The following SPATA17 variants were observed in gnomAD, a reference collection of about 807,000 sequenced individuals.
SPATA17 encodes the protein spermatogenesis-associated protein 17.
In SPATA17, 53 loss-of-function variants were observed where a neutral mutation model predicts 62.2. That is an observed-to-expected ratio of 0.85 (90% CI 0.68 to 1.07). The LOEUF is 1.07. Among genes scored for constraint, SPATA17 ranks in the 50% least tolerant of loss-of-function variants. The pLI, the probability that SPATA17 is intolerant of heterozygous loss-of-function variation, is 0.00. For synonymous variants in SPATA17, 146 were observed against 146.8 expected, an observed-to-expected ratio of 0.99 and a Z score of 0.04; for missense variants, 466 against 425.5, an observed-to-expected ratio of 1.10 and a Z score of -0.84.
At chr1:217,676,744 A>AGTGCTGGTG (rs1670954612) in intron 4 of SPATA17, among the ~76,000 whole-genome samples, 1 of 152,168 alleles carries the variant, frequency 6.6e-6, no homozygotes, top group Non-Finnish European at 1.5e-5. Flanking sequence ...ACATGAATGC[A>AGTGCTGGTG]AATTTCAAGA....
intron 7 of SPATA17, among the ~76,000 whole-genome samples, chr1:217,777,634 T>G (rs920984002): frequency 1.1e-4 from 17 of 152,168 alleles, no homozygotes; most frequent in African/African-American, 4.1e-4. Flanking sequence ...ACTCCTGACC[T>G]CAGGTGATCT....
At chr1:217,858,359 G>A (rs923952264) in intron 9 of SPATA17, among the ~76,000 whole-genome samples, 2 of 152,112 alleles carry the variant, frequency 1.3e-5, no homozygotes, top group Non-Finnish European at 2.9e-5. Context: ...TATTATTTAA[G>A]GAATGAGAGA....
chr1:217,749,302 G>C (rs949123209), intron 6 of SPATA17, among the ~76,000 whole-genome samples: 2 of 152,080 alleles, frequency 1.3e-5, no homozygotes, highest in Non-Finnish European at 2.9e-5. Context: ...ATGATATACA[G>C]GCAAAAGGAT....
chr1:217,787,427 T>G (rs1303488963), intron 8 of SPATA17, among the ~76,000 whole-genome samples: 1 of 152,196 alleles, frequency 6.6e-6, no homozygotes, highest in Non-Finnish European at 1.5e-5. Context: ...TGTCATATTC[T>G]GTAAAGAACT....
chr1:217,798,806 T>C (rs1674221040), intron 8 of SPATA17, among the ~76,000 whole-genome samples: 1 of 123,914 alleles, frequency 8.1e-6, no homozygotes, highest in African/African-American at 3.0e-5. Context: ...AATACGAAAC[T>C]GCTGAAACTT....
chr1:217,840,052 A>G (rs1270311330), intron 9 of SPATA17, among the ~76,000 whole-genome samples: 2 of 152,244 alleles, frequency 1.3e-5, no homozygotes, highest in Non-Finnish European at 1.5e-5. Context: ...TGCAATCTCT[A>G]TACAATTATT....
At position 217,867,575 on chromosome 1, in the gene SPATA17, C is replaced by T. The variant is rs1463723249; in HGVS notation, c.*556C>T. 6.6e-6 allele frequency: 1 copy of T among 152,174 alleles called. No homozygotes were observed. Among genetic ancestry groups the T allele is most frequent in the Non-Finnish European group, 1.5e-5 (1 of 68,042 alleles). The allele number at this position is 152,174 out of a possible 1,614,324, so 9.4% of individuals were successfully genotyped here. A position where few individuals can be genotyped will look rare whatever the true frequency, so the allele number is the denominator to read the frequency against. On this transcript the variant is annotated 3_prime_UTR_variant, in exon 11 of 11. Coordinates refer to ENST00000366933, the MANE Select transcript of SPATA17 (RefSeq NM_138796.4). Reference sequence around the variant, plus strand: ...CATAGGCACTCTCAAATAGAGAAGACATTTGCAAGTCTCTGCTGCCAAGGG... The same window carrying T: ...CATAGGCACTCTCAAATAGAGAAGATATTTGCAAGTCTCTGCTGCCAAGGG...
At position 217,821,833 on chromosome 1, in the gene SPATA17, A is replaced by G. The variant is rs1571827650; in HGVS notation, c.1005+19983A>G. Among the ~76,000 whole-genome samples, 3 of 152,212 alleles carry G rather than the reference A, an allele frequency of 2.0e-5. No homozygotes were observed. The East Asian group carries it at 5.8e-4, about 29-fold the overall frequency. The stretch of plus-strand genomic sequence containing the variant: ...AGAAGTAATGCTAAGGGGAGCACTC[A>G]TGCAAGGGGCGCAAACTCTGCCACA... On this transcript the variant is annotated intron_variant, in intron 9 of 10. Transcript: ENST00000366933.
At chr1:217,796,978 A>G (rs1478555999) in intron 8 of SPATA17, among the ~76,000 whole-genome samples, 1 of 152,238 alleles carries the variant, frequency 6.6e-6, no homozygotes, top group Non-Finnish European at 1.5e-5. Flanking sequence ...TTAATGGGCC[A>G]TAACATGGTT....
At chr1:217,838,510 T>C (rs924900785) in intron 9 of SPATA17, among the ~76,000 whole-genome samples, 1 of 152,098 alleles carries the variant, frequency 6.6e-6, no homozygotes, top group Non-Finnish European at 1.5e-5. Context: ...CTTTTAAAAA[T>C]ATTTTAATGA....
At chr1:217,786,765 CTTCTTCTTCTTCTTCTTCTTCT>C (rs1673878638) in intron 8 of SPATA17, among the ~76,000 whole-genome samples, 43 of 146,788 alleles carry the variant, frequency 2.9e-4, no homozygotes, top group African/African-American at 9.9e-4. Flanking sequence ...TCTTCTTCTT[CTTCTTCTTCTTCTTCTTCTTCT>C]TCTTCTTCTT....
chr1:217,683,201 T>C (rs988203605), intron 4 of SPATA17, 57 bp from the exon 5 acceptor site: 1 of 1,243,396 alleles, frequency 8.0e-7, no homozygotes, highest in East Asian at 2.5e-5. Context: ...GAAGTGCTAT[T>C]ACATTTTTAA....
intron 9 of SPATA17, among the ~76,000 whole-genome samples, chr1:217,853,944 G>T (rs1675719411): frequency 6.6e-6 from 1 of 152,120 alleles, no homozygotes; most frequent in East Asian, 1.9e-4. Flanking sequence ...ATTTAAAGGA[G>T]TTTAATTGAG....
At chr1:217,852,420 G>C (rs1254853946) in intron 9 of SPATA17, among the ~76,000 whole-genome samples, 1 of 152,130 alleles carries the variant, frequency 6.6e-6, no homozygotes, top group Non-Finnish European at 1.5e-5. Flanking sequence ...ATCATTCACT[G>C]GCTGGATTAT....
At chr1:217,824,083 C>G (rs1326773425) in intron 9 of SPATA17, among the ~76,000 whole-genome samples, 1 of 151,930 alleles carries the variant, frequency 6.6e-6, no homozygotes, top group Non-Finnish European at 1.5e-5. Flanking sequence ...ACTCTGTGGT[C>G]TTTTAACTGG....
chr1:217,814,123 G>T (rs1352161908), intron 9 of SPATA17, among the ~76,000 whole-genome samples: 1 of 152,066 alleles, frequency 6.6e-6, no homozygotes, highest in Non-Finnish European at 1.5e-5. Flanking sequence ...ATTCTCAAAA[G>T]ATTAAATCTG....
intron 4 of SPATA17, among the ~76,000 whole-genome samples, chr1:217,675,902 C>G (rs1324094462): frequency 1.3e-5 from 2 of 152,134 alleles, no homozygotes; most frequent in Admixed American, 1.3e-4. Context: ...GCTTTACTTC[C>G]AATCCTCTTT....
At chr1:217,764,873 C>A (rs1004338273) in intron 6 of SPATA17, among the ~76,000 whole-genome samples, 1 of 151,996 alleles carries the variant, frequency 6.6e-6, no homozygotes, top group South Asian at 2.1e-4. Flanking sequence ...AGGTATTTTG[C>A]CCGTTCTATA....
intron 6 of SPATA17, among the ~76,000 whole-genome samples, chr1:217,773,248 G>A (rs1487521226): frequency 6.6e-6 from 1 of 152,120 alleles, no homozygotes; most frequent in Non-Finnish European, 1.5e-5. Flanking sequence ...AAAAAGGAAT[G>A]TTTATAGATA....
Sources: allele counts gnomAD v4.1 joint callset (sites outside exome capture counted in the v4.1 genomes callset), GRCh38; gene constraint gnomAD v4.1.1; transcripts MANE v1.5; gene names NCBI Gene and HGNC (gene_info 2026-07-23, HGNC 2026-07-21).